The following FAM163A variants were observed in gnomAD, a reference collection of about 807,000 sequenced individuals.
FAM163A encodes family with sequence similarity 163 member A, also known as protein FAM163A.
FAM163A carries 7 observed loss-of-function variants against 12.0 expected under a neutral mutation model. The ratio of observed to expected loss-of-function variants is 0.58; its 90% confidence interval spans 0.33 to 1.10. The LOEUF is 1.10. Ranked by LOEUF, FAM163A falls within the 50% of genes least tolerant of loss-of-function variation. The probability of loss-of-function intolerance (pLI) is 0.03; values close to 1 mark genes in which losing one functional copy is unlikely to be tolerated. For missense variants in FAM163A, 202 were observed against 218.6 expected (o/e 0.92, Z 0.48); for synonymous variants, 101 against 91.0 (o/e 1.11, Z -0.62).
At chr1:179,788,823 C>G (rs1691020473) in intron 1 of FAM163A, among the ~76,000 whole-genome samples, 1 of 152,214 alleles carries the variant, frequency 6.6e-6, no homozygotes, top group South Asian at 2.1e-4. Flanking sequence ...CTGTGACTAC[C>G]TTCCAGTGCA....
At chr1:179,742,127 T>C (rs748746868), upstream of FAM163A, 1 of 152,118 alleles carries the variant, frequency 6.6e-6, no homozygotes, top group Non-Finnish European at 1.5e-5. Context: ...TGGAGTGTGC[T>C]GCAACAACAG....
chr1:179,783,408 G>A (rs1690082082), intron 1 of FAM163A, among the ~76,000 whole-genome samples: 1 of 152,050 alleles, frequency 6.6e-6, no homozygotes, highest in South Asian at 2.1e-4. Flanking sequence ...GTGAAATTTT[G>A]TAAAACCGTT....
intron 1 of FAM163A, among the ~76,000 whole-genome samples, chr1:179,771,146 C>T (rs896244080): frequency 5.3e-5 from 8 of 152,268 alleles, no homozygotes; most frequent in African/African-American, 1.7e-4. Context: ...CATGCGGGAC[C>T]AGGACAGTGC....
chr1:179,793,998 A>G (rs1048305177), intron 1 of FAM163A, among the ~76,000 whole-genome samples: 9 of 152,256 alleles, frequency 5.9e-5, no homozygotes, highest in African/African-American at 2.2e-4. Context: ...TGGAGAAGAC[A>G]TCAGCACCAG....
intron 1 of FAM163A, among the ~76,000 whole-genome samples, chr1:179,775,712 A>G (rs1260362226): frequency 6.6e-6 from 1 of 152,202 alleles, no homozygotes; most frequent in African/African-American, 2.4e-5. Flanking sequence ...AATAAATATC[A>G]GTAGGATAGA....
At chr1:179,802,226 C>T (rs1303650065) in intron 1 of FAM163A, among the ~76,000 whole-genome samples, 1 of 152,220 alleles carries the variant, frequency 6.6e-6, no homozygotes, top group Non-Finnish European at 1.5e-5. Flanking sequence ...AATGTGTATT[C>T]ATTTTTTGGT....
intron 1 of FAM163A, among the ~76,000 whole-genome samples, chr1:179,762,174 G>C (rs922895107): frequency 7.2e-5 from 11 of 152,204 alleles, no homozygotes; most frequent in African/African-American, 2.7e-4. Flanking sequence ...TCATATAATC[G>C]TATCAAGGCA....
the FAM163A span, among the ~76,000 whole-genome samples, chr1:179,736,095 A>G: frequency 6.6e-6 from 1 of 152,322 alleles, no homozygotes; most frequent in East Asian, 1.9e-4. Context: ...AAACGTAGGG[A>G]AAAATCTTCC....
At chr1:179,763,246 T>C (rs1051932627) in intron 1 of FAM163A, among the ~76,000 whole-genome samples, 9 of 152,226 alleles carry the variant, frequency 5.9e-5, no homozygotes, top group African/African-American at 9.6e-5. Flanking sequence ...TTACAAATGG[T>C]GATTTCCTTT....
the FAM163A span, among the ~76,000 whole-genome samples, chr1:179,734,100 G>A: frequency 3.3e-5 from 5 of 152,184 alleles, no homozygotes; most frequent in African/African-American, 1.2e-4. Flanking sequence ...CAAGTGAGGT[G>A]AATAAAGGCT....
intron 1 of FAM163A, among the ~76,000 whole-genome samples, chr1:179,758,164 AT>A (rs11288445): frequency 0.03 from 4,510 of 152,318 alleles, 170 homozygotes; most frequent in African/African-American, 0.093. Flanking sequence ...GCTAGGCAGA[AT>A]CGGGTGGTGA....
intron 1 of FAM163A, among the ~76,000 whole-genome samples, chr1:179,806,932 T>C (rs114016631): frequency 0.015 from 2,340 of 152,228 alleles, 32 homozygotes; most frequent in African/African-American, 0.036. Flanking sequence ...GGTGAAACTC[T>C]ATCTCTACTA....
chr1:179,767,368 A>G (rs576160933), intron 1 of FAM163A, among the ~76,000 whole-genome samples: 1 of 152,226 alleles, frequency 6.6e-6, no homozygotes, highest in South Asian at 2.1e-4. Context: ...CCCTGGGAAG[A>G]TGTTCAGGGA....
At chr1:179,775,407 G>T (rs899927550) in intron 1 of FAM163A, among the ~76,000 whole-genome samples, 1 of 152,250 alleles carries the variant, frequency 6.6e-6, no homozygotes, top group Non-Finnish European at 1.5e-5. Flanking sequence ...AAAAGGTGGG[G>T]ATTTGCAAAG....
At chr1:179,756,898 G>A (rs1400458594) in intron 1 of FAM163A, among the ~76,000 whole-genome samples, 4 of 152,202 alleles carry the variant, frequency 2.6e-5, no homozygotes, top group Admixed American at 1.3e-4. Flanking sequence ...GGGGCAGTAC[G>A]GGGGTCACTG....
intron 1 of FAM163A, among the ~76,000 whole-genome samples, chr1:179,782,861 C>T (rs1461392123): frequency 1.3e-5 from 2 of 152,168 alleles, no homozygotes; most frequent in Admixed American, 6.5e-5. Context: ...TGGCTGGTGC[C>T]GTTTCTTCAA....
intron 1 of FAM163A, among the ~76,000 whole-genome samples, chr1:179,778,690 C>T (rs548717602): frequency 1.7e-4 from 26 of 152,138 alleles, no homozygotes; most frequent in Admixed American, 1.4e-3. Flanking sequence ...GAAAGGTACA[C>T]GGATCAGTAT....
At position 179,750,875 on chromosome 1, in the gene FAM163A, G is replaced by C. The variant is rs566087509; in HGVS notation, c.-136+7452G>C. On this transcript the variant is annotated intron_variant, in intron 1 of 4. Coordinates refer to ENST00000341785, the MANE Select transcript of FAM163A (RefSeq NM_173509.3). ...TTAGACTGGAAAGTTTGTAGTGGTG[G>C]TGGAGAGACATAGATGTGAGAAATT... Among the ~76,000 whole-genome samples the C allele has an allele frequency of 2.6e-5, 4 of 152,320 alleles. No individual in the cohort carries two copies. The South Asian group carries it at 8.3e-4, about 32-fold the overall frequency.
intron 1 of FAM163A, among the ~76,000 whole-genome samples, chr1:179,744,406 G>A (rs1299885): frequency 6.6e-6 from 1 of 152,036 alleles, no homozygotes; most frequent in African/African-American, 2.4e-5. Flanking sequence ...CTGGGACCCC[G>A]CCACCCGGCC....
Sources: allele counts gnomAD v4.1 joint callset (sites outside exome capture counted in the v4.1 genomes callset), GRCh38; gene constraint gnomAD v4.1.1; transcripts MANE v1.5; gene names NCBI Gene and HGNC (gene_info 2026-07-23, HGNC 2026-07-21).